Variants in PTPN3 observed in about 807,000 individuals in gnomAD.
The protein encoded by PTPN3 is tyrosine-protein phosphatase non-receptor type 3.
Under a neutral mutation model 132.7 loss-of-function variants are expected in PTPN3, and 96 were observed. That is an observed-to-expected ratio of 0.72 (90% CI 0.61 to 0.86). The LOEUF is 0.86. PTPN3 is among the 40% of genes least tolerant of loss of function. PTPN3 has a pLI of 0.00. For synonymous variants in PTPN3, 398 were observed against 429.0 expected, an observed-to-expected ratio of 0.93 and a Z score of 0.89; for missense variants, 1,125 against 1,159.6, an observed-to-expected ratio of 0.97 and a Z score of 0.43.
At chr9:109,532,997 C>T in the PTPN3 span, 3 of 515,526 alleles carry the variant, frequency 5.8e-6, no homozygotes, top group East Asian at 7.9e-5. Context: ...CTCTTGTCCC[C>T]CAGGCTGGAG....
At chr9:109,417,654 G>T (rs1243524980) in intron 14 of PTPN3, 1 of 984,962 alleles carries the variant, frequency 1.0e-6, no homozygotes. Flanking sequence ...AGCACAAAGT[G>T]GCTTCCCACC....
intron 1 of PTPN3, among the ~76,000 whole-genome samples, chr9:109,474,141 G>A (rs75716681): frequency 0.021 from 3,209 of 152,094 alleles, 118 homozygotes; most frequent in African/African-American, 0.073. Context: ...AGACACTTAA[G>A]AGCCAGCAAA....
intron 1 of PTPN3, among the ~76,000 whole-genome samples, chr9:109,480,204 C>T (rs1250927041): frequency 1.3e-5 from 2 of 152,020 alleles, no homozygotes; most frequent in African/African-American, 2.4e-5. Flanking sequence ...TTCAGGGTCT[C>T]GCTCTGTCAC....
At chr9:109,523,777 A>AG in the PTPN3 span, among the ~76,000 whole-genome samples, 1 of 46,354 alleles carries the variant, frequency 2.2e-5, no homozygotes, top group East Asian at 2.4e-3. Flanking sequence ...ACATGCACAG[A>AG]CAAACACACA....
At chr9:109,478,890 C>T (rs76925927) in intron 1 of PTPN3, among the ~76,000 whole-genome samples, 6 of 152,164 alleles carry the variant, frequency 3.9e-5, no homozygotes, top group African/African-American at 4.8e-5. Flanking sequence ...GGTGACCCAG[C>T]GGCAGGGCAG....
At position 109,378,796 on chromosome 9, in the gene PTPN3, G is replaced by A. The variant is rs1315289038; in HGVS notation, c.*760C>T. 6.6e-6 allele frequency: 1 copy of A among 152,670 alleles called. No individual in the cohort carries two copies. Among genetic ancestry groups the A allele is most frequent in the Non-Finnish European group, 1.5e-5 (1 of 68,108 alleles). The allele number at this position is 152,670 out of a possible 1,614,324, so 9.5% of individuals were successfully genotyped here. A position where few individuals can be genotyped will look rare whatever the true frequency, so the allele number is the denominator to read the frequency against. ...GAGTGTGCAGTAGGAGGCAAGCAGA[G>A]GCAAGAGACACACCTGCTTCTACAA... On this transcript the variant is annotated 3_prime_UTR_variant, in exon 26 of 26. Transcript: ENST00000374541.
intron 12 of PTPN3, among the ~76,000 whole-genome samples, chr9:109,426,603 G>C (rs1843301109): frequency 6.6e-6 from 1 of 152,136 alleles, no homozygotes; most frequent in South Asian, 2.1e-4. Flanking sequence ...GGAGAGGCTG[G>C]CATAGTGGCA....
chr9:109,490,671 G>A (rs1588508965), intron 1 of PTPN3, among the ~76,000 whole-genome samples: 1 of 151,576 alleles, frequency 6.6e-6, no homozygotes, highest in Non-Finnish European at 1.5e-5. Context: ...CCCAGGAGTC[G>A]GATGCTGCAG....
At chr9:109,525,213 C>T in the PTPN3 span, among the ~76,000 whole-genome samples, 1 of 151,900 alleles carries the variant, frequency 6.6e-6, no homozygotes, top group East Asian at 1.9e-4. Flanking sequence ...ACCACCACAC[C>T]CAGATAATTA....
intron 16 of PTPN3, 67 bp from the exon 17 acceptor site, chr9:109,408,444 A>AAAC: frequency 2.3e-6 from 3 of 1,312,846 alleles, no homozygotes; most frequent in Non-Finnish European, 3.2e-6. Context: ...AAACAAAAAA[A>AAAC]CGAGTAGCTC....
chr9:109,471,843 T>C (rs991959481), intron 1 of PTPN3, among the ~76,000 whole-genome samples: 1 of 152,192 alleles, frequency 6.6e-6, no homozygotes, highest in African/African-American at 2.4e-5. Flanking sequence ...CTGACCCTCA[T>C]GGCAATGGTG....
In PTPN3 at chr9:109,397,834, T is replaced by C. The variant is rs1293918520; in HGVS notation, c.1954-6273A>G. 2.0e-5 allele frequency: 3 copies of C among 152,282 alleles called. No homozygotes were observed. The East Asian group carries it at 5.8e-4, about 29-fold the overall frequency. The allele number at this position is 152,282 out of a possible 1,614,324, so 9.4% of individuals were successfully genotyped here. ...TTAGGTGGGTCGCTGGCACTTGAAA[T>C]GTAAAGGCTGCACACACGGTCATTC... On this transcript the variant is annotated intron_variant, in intron 19 of 25. Transcript: ENST00000374541.
At chr9:109,461,084 TC>T (rs2132041287) in intron 2 of PTPN3, among the ~76,000 whole-genome samples, 1 of 152,354 alleles carries the variant, frequency 6.6e-6, no homozygotes, top group African/African-American at 2.4e-5. Context: ...TCTGTGACCT[TC>T]ATGGAGCTTG....
At chr9:109,468,443 T>C (rs1846210609) in intron 1 of PTPN3, among the ~76,000 whole-genome samples, 1 of 152,094 alleles carries the variant, frequency 6.6e-6, no homozygotes, top group African/African-American at 2.4e-5. Flanking sequence ...CTCGGCTCAC[T>C]GCAAGCTCCT....
At chr9:109,457,457 A>T in intron 2 of PTPN3, 58 bp from the exon 3 acceptor site, 1 of 1,383,686 alleles carries the variant, frequency 7.2e-7, no homozygotes, top group Non-Finnish European at 1.0e-6. Flanking sequence ...TGGTAAAAAC[A>T]TCTTTACTGT....
At chr9:109,407,274 C>T (rs1236419705) in intron 17 of PTPN3, among the ~76,000 whole-genome samples, 2 of 152,136 alleles carry the variant, frequency 1.3e-5, no homozygotes, top group South Asian at 2.1e-4. Context: ...GTGGTCTCAG[C>T]GACTTGGGAG....
At chr9:109,456,385 G>T (rs115219604) in intron 4 of PTPN3, among the ~76,000 whole-genome samples, 1 of 152,342 alleles carries the variant, frequency 6.6e-6, no homozygotes, top group African/African-American at 2.4e-5. Flanking sequence ...ACGGGTGATG[G>T]TAAATCTAAG....
chr9:109,387,882 A>G (rs1440784102), intron 22 of PTPN3, among the ~76,000 whole-genome samples: 1 of 152,242 alleles, frequency 6.6e-6, no homozygotes, highest in African/African-American at 2.4e-5. Flanking sequence ...ATGAGCCTCA[A>G]GGGAGAGCAC....
chr9:109,461,835 T>C (rs1845857239), intron 2 of PTPN3, among the ~76,000 whole-genome samples: 2 of 152,172 alleles, frequency 1.3e-5, no homozygotes, highest in South Asian at 2.1e-4. Flanking sequence ...GGCTCCCCTA[T>C]GGGTTAGTGC....
Sources: allele counts gnomAD v4.1 joint callset (sites outside exome capture counted in the v4.1 genomes callset), GRCh38; gene constraint gnomAD v4.1.1; transcripts MANE v1.5; gene names NCBI Gene and HGNC (gene_info 2026-07-23, HGNC 2026-07-21).